The following AS3MT variants were observed in gnomAD, a reference collection of about 807,000 sequenced individuals.
The protein encoded by AS3MT is S-adenosyl-L-methionine:arsenic(III) methyltransferase.
Under a neutral mutation model 45.3 loss-of-function variants are expected in AS3MT, and 47 were observed. The ratio of observed to expected loss-of-function variants is 1.04; its 90% CI spans 0.82 to 1.32. The LOEUF is 1.32. AS3MT is among the 40% of genes most tolerant of loss of function. The pLI is 0.00. For synonymous variants in AS3MT, 141 were observed against 152.8 expected (o/e 0.92, Z 0.57); for missense variants, 396 against 451.1 (o/e 0.88, Z 1.11).
intron 8 of AS3MT, 56 bp downstream of exon 8, chr10:102,878,566 G>A (rs1479170799): frequency 6.3e-7 from 1 of 1,586,454 alleles, no homozygotes; most frequent in African/African-American, 1.4e-5. Flanking sequence ...TGATTGAAAT[G>A]TGGTGATTAG....
At chr10:102,873,509 C>G (rs1391728743) in intron 5 of AS3MT, among the ~76,000 whole-genome samples, 2 of 152,160 alleles carry the variant, frequency 1.3e-5, no homozygotes, top group African/African-American at 4.8e-5. Context: ...TGGTCTCAAA[C>G]TCCTGATCTC....
intron 1 of AS3MT, 66 bp from the exon 2 acceptor site, chr10:102,869,739 G>C: frequency 1.9e-6 from 3 of 1,612,350 alleles, no homozygotes; most frequent in Non-Finnish European, 2.5e-6. Context: ...GCCCTTTACT[G>C]GCCCCCTCCC....
At chr10:102,877,574 A>G (rs1387369536) in intron 7 of AS3MT, among the ~76,000 whole-genome samples, 1 of 150,476 alleles carries the variant, frequency 6.6e-6, no homozygotes, top group Non-Finnish European at 1.5e-5. Context: ...AAAAAAAAAA[A>G]AAAGAAAAAA....
rs201702937 is a variant in AS3MT, at chr10:102,870,193, A to C, written c.152A>C (p.His51Pro). The C allele has an allele frequency of 6.2e-7, 1 of 1,614,072 alleles. No individual in the cohort carries two copies. Among genetic ancestry groups the C allele is most frequent in the African/African-American group, 1.3e-5 (1 of 74,916 alleles). The stretch of plus-strand genomic sequence containing the variant: ...ATCCGGGAAGCCTTGCAAAATGTAC[A>C]CGAAGAAGTAGCCCTAAGGTAGAGT... ...KHIREALQNV[H>P]EEVALRYYGC... The change falls in exon 3 of 11, where the codon CAC becomes CCC. Residue 51 changes from histidine (H) to proline (P), a missense_variant. By Grantham distance (77) the His-to-Pro change is moderately conservative (BLOSUM62 -2). Transcript: ENST00000369880.
intron 10 of AS3MT, among the ~76,000 whole-genome samples, chr10:102,895,986 A>G (rs1457495177): frequency 1.3e-5 from 2 of 151,766 alleles, no homozygotes; most frequent in Non-Finnish European, 2.9e-5. Context: ...ATGTTGGTCA[A>G]GCTGGTCTCA....
In AS3MT at chr10:102,900,733, G is replaced by C. The variant is rs754197188; in HGVS notation, c.*33G>C. ...GCCAACCAGGGGACCACAGTAGTGG[G>C]CAAGAGTGATCTGCATGTTTTTTAA... On this transcript the variant is annotated 3_prime_UTR_variant, in exon 11 of 11. Transcript: ENST00000369880. The C allele has an allele frequency of 5.9e-6, 9 of 1,516,440 alleles. No homozygotes were observed. The African/African-American group carries it at 1.2e-4, about 21-fold the overall frequency. The allele number at this position is 1,516,440 out of a possible 1,614,324, so 93.9% of individuals were successfully genotyped here. A position where few individuals can be genotyped will look rare whatever the true frequency, so the allele number is the denominator to read the frequency against.
At chr10:102,894,083 A>G (rs566689374) in intron 10 of AS3MT, among the ~76,000 whole-genome samples, 1 of 152,280 alleles carries the variant, frequency 6.6e-6, no homozygotes, top group East Asian at 1.9e-4. Context: ...GTGACCATTG[A>G]TGTTGCCTCT....
intron 9 of AS3MT, among the ~76,000 whole-genome samples, chr10:102,890,144 G>C (rs1845045593): frequency 6.6e-6 from 1 of 151,352 alleles, no homozygotes; most frequent in Non-Finnish European, 1.5e-5. Context: ...GGGACAACAG[G>C]CGCCTGCCAC....
intron 9 of AS3MT, among the ~76,000 whole-genome samples, chr10:102,889,599 C>CTTGCCTGT (rs374096736): frequency 0.058 from 7,920 of 137,124 alleles, 346 homozygotes; most frequent in Middle Eastern, 0.12. Context: ...CTTCCCTTCC[C>CTTGCCTGT]CTGCCTGTCT....
intron 7 of AS3MT, among the ~76,000 whole-genome samples, chr10:102,877,559 C>G (rs1445554668): frequency 1.1e-5 from 1 of 94,396 alleles, no homozygotes; most frequent in Non-Finnish European, 2.2e-5. Flanking sequence ...TGGAAAGTGC[C>G]AAAAAAAAAA....
intron 9 of AS3MT, among the ~76,000 whole-genome samples, chr10:102,879,693 C>T (rs577463686): frequency 4.2e-5 from 6 of 143,764 alleles, no homozygotes; most frequent in Admixed American, 2.2e-4. Context: ...TGCATGAACC[C>T]GGGAGGTGGA....
chr10:102,872,524 A>G lies in AS3MT; in HGVS notation c.247A>G (p.Arg83Gly), dbSNP rs1336806206. 1.9e-6 allele frequency: 3 copies of G among 1,613,968 alleles called. No individual in the cohort carries two copies. In the East Asian group the frequency reaches 6.7e-5, roughly 36 times the overall value. The change falls in exon 4 of 11, where the codon AGA (arginine) becomes GGA (glycine). Residue 83 changes from arginine (R) to glycine (G), a missense_variant. Transcript: ENST00000369880. The part of the protein sequence containing the change: ...WILDLGSGSG[R>G]DCYVLSQLVG... Reference sequence around the variant, plus strand: ...TTTGGATCTGGGTAGTGGAAGTGGCAGAGATTGCTATGTACTTAGCCAGCT... The same window carrying G: ...TTTGGATCTGGGTAGTGGAAGTGGCGGAGATTGCTATGTACTTAGCCAGCT...
At chr10:102,883,968 CTTTCTT>C (rs1844906998) in intron 9 of AS3MT, among the ~76,000 whole-genome samples, 1 of 146,404 alleles carries the variant, frequency 6.8e-6, no homozygotes, top group Non-Finnish European at 1.5e-5. Context: ...CTTTTCTTTT[CTTTCTT>C]TATTTCTTTT....
intron 10 of AS3MT, among the ~76,000 whole-genome samples, chr10:102,895,624 C>CA (rs1447722614): frequency 1.3e-5 from 2 of 152,156 alleles, no homozygotes; most frequent in African/African-American, 4.8e-5. Flanking sequence ...AGTAGAGTTA[C>CA]AAACCATTGT....
At chr10:102,877,490 TTAAAA>T (rs2134114581) in intron 7 of AS3MT, among the ~76,000 whole-genome samples, 1 of 150,972 alleles carries the variant, frequency 6.6e-6, no homozygotes, top group African/African-American at 2.4e-5. Context: ...GTTCTTATTC[TTAAAA>T]TAATATTAAC....
intron 9 of AS3MT, among the ~76,000 whole-genome samples, chr10:102,889,685 C>G (rs933762108): frequency 9.7e-5 from 14 of 144,306 alleles, no homozygotes; most frequent in South Asian, 4.8e-4. Context: ...CCACCCCCCC[C>G]GCCCCTTTCA....
At chr10:102,897,181 G>A (rs1230332357) in intron 10 of AS3MT, among the ~76,000 whole-genome samples, 3 of 151,822 alleles carry the variant, frequency 2.0e-5, no homozygotes, top group Non-Finnish European at 2.9e-5. Context: ...TCAGGAGATC[G>A]AGACCATCCT....
chr10:102,885,832 T>G (rs1225715014), intron 9 of AS3MT, among the ~76,000 whole-genome samples: 1 of 134,678 alleles, frequency 7.4e-6, no homozygotes, highest in Non-Finnish European at 1.6e-5. Context: ...CCCGGCCCAC[T>G]AATTTTTGTA....
intron 10 of AS3MT, among the ~76,000 whole-genome samples, chr10:102,897,793 G>A (rs1427694855): frequency 6.6e-6 from 1 of 152,198 alleles, no homozygotes; most frequent in Admixed American, 6.5e-5. Flanking sequence ...TAAAAAAGGA[G>A]TTAAATGAGT....
Sources: allele counts gnomAD v4.1 joint callset (sites outside exome capture counted in the v4.1 genomes callset), GRCh38; gene constraint gnomAD v4.1.1; transcripts MANE v1.5; gene names NCBI Gene and HGNC (gene_info 2026-07-23, HGNC 2026-07-21).